The following STAT4 variants were observed in gnomAD, a reference collection of about 807,000 sequenced individuals.
STAT4 encodes signal transducer and activator of transcription 4.
STAT4 carries 42 observed loss-of-function variants against 110.5 expected under a neutral mutation model. That is an observed-to-expected ratio of 0.38 (90% CI 0.30 to 0.49). The LOEUF (loss-of-function observed/expected upper bound fraction) is 0.49, where lower values mean the gene tolerates loss of function less well. Among genes scored for constraint, STAT4 ranks in the 20% least tolerant of loss-of-function variants. The probability of loss-of-function intolerance (pLI) is 0.95; values close to 1 mark genes in which losing one functional copy is unlikely to be tolerated. For synonymous variants in STAT4, 284 were observed against 302.2 expected (o/e 0.94, Z 0.63); for missense variants, 632 against 887.9 (o/e 0.71, Z 3.66).
intron 3 of STAT4, among the ~76,000 whole-genome samples, chr2:191,087,755 C>G (rs749080046): frequency 1.1e-4 from 17 of 152,012 alleles, no homozygotes; most frequent in Non-Finnish European, 2.5e-4. Flanking sequence ...AAAAAACAAA[C>G]CCACTAAATT....
At chr2:191,124,327 T>A (rs939261084) in intron 3 of STAT4, among the ~76,000 whole-genome samples, 3 of 151,730 alleles carry the variant, frequency 2.0e-5, no homozygotes, top group African/African-American at 7.3e-5. Context: ...TGCTGGTGCA[T>A]GCCTGTAGTC....
intron 14 of STAT4, among the ~76,000 whole-genome samples, chr2:191,052,985 A>C (rs934295138): frequency 7.2e-5 from 11 of 152,170 alleles, no homozygotes; most frequent in Admixed American, 7.2e-4. Context: ...GACTGAGCTC[A>C]TCTTTGGTGA....
rs918669471 is a variant in STAT4 at position 191,061,102 on chromosome 2, C to A, written c.1034+627G>T. On this transcript the variant is annotated intron_variant, in intron 10 of 23. Coordinates refer to ENST00000392320, the MANE Select transcript of STAT4 (RefSeq NM_003151.4). This position sits in a 1 kb window ranked among gnomAD's most constrained non-coding sequence, Gnocchi z 6.2. Reference sequence around the variant, plus strand: ...CATTAGGGAAAACTGTAAGTTTTGACGCTAATGCTAATAGGATCAAATTCA... The same window carrying A: ...CATTAGGGAAAACTGTAAGTTTTGAAGCTAATGCTAATAGGATCAAATTCA... Among the ~76,000 whole-genome samples, 2 of 152,140 alleles carry A rather than the reference C, an allele frequency of 1.3e-5. No individual in the cohort carries two copies. The highest frequency in any genetic ancestry group is 1.3e-4 in the Admixed American group (2 of 15,270).
intron 3 of STAT4, among the ~76,000 whole-genome samples, chr2:191,125,583 G>A (rs575673177): frequency 6.6e-6 from 1 of 151,672 alleles, no homozygotes; most frequent in African/African-American, 2.4e-5. Flanking sequence ...AAACTCCAGG[G>A]CTTAAGTTAT....
chr2:191,088,489 T>G (rs917345215), intron 3 of STAT4, among the ~76,000 whole-genome samples: 1 of 152,204 alleles, frequency 6.6e-6, no homozygotes, highest in East Asian at 1.9e-4. Flanking sequence ...ATTGTCAAGA[T>G]GTCAGTTATT....
rs557738910 is a variant in STAT4 at position 191,132,815 on chromosome 2, C to T, written c.273+13798G>A. On this transcript the variant is annotated intron_variant, in intron 3 of 23. Transcript: ENST00000392320. ...TGTCGCCCAGGCTGGAGTGCAGTGG[C>T]GTGATCTCGGCTCACTGCAAGCTCC... is the stretch of plus-strand genomic sequence containing the variant. 5.4e-5 allele frequency among the ~76,000 whole-genome samples: 8 copies of T among 146,946 alleles called. No homozygotes were observed. In the East Asian group the frequency reaches 9.9e-4, roughly 18 times the overall value.
chr2:191,057,855 C>A (rs1696749461), intron 13 of STAT4, among the ~76,000 whole-genome samples, 163 bp downstream of exon 13: 1 of 152,070 alleles, frequency 6.6e-6, no homozygotes, highest in Admixed American at 6.6e-5. Context: ...ACCTTGGCCT[C>A]CCAAAATGCT....
intron 1 of STAT4, among the ~76,000 whole-genome samples, chr2:191,149,183 T>C (rs1699530754): frequency 6.6e-6 from 1 of 152,196 alleles, no homozygotes; most frequent in African/African-American, 2.4e-5. Flanking sequence ...CCCTTTTACA[T>C]GATTAATCAC....
In STAT4 at chr2:191,053,429, C is replaced by T. The variant is rs1696588988; in HGVS notation, c.1251+1061G>A. Among the ~76,000 whole-genome samples the T allele has an allele frequency of 6.6e-6, 1 of 152,186 alleles. No individual in the cohort carries two copies. Among genetic ancestry groups the T allele is most frequent in the Non-Finnish European group, 1.5e-5 (1 of 68,036 alleles). Reference sequence around the variant, plus strand: ...GAGCATGTACTCAAACCCAGGTTTTCTAGTTCCAAATATATAGGTCATTGA... The same window carrying T: ...GAGCATGTACTCAAACCCAGGTTTTTTAGTTCCAAATATATAGGTCATTGA... On this transcript the variant is annotated intron_variant, in intron 14 of 23. Coordinates refer to ENST00000392320, the MANE Select transcript of STAT4 (RefSeq NM_003151.4). This position sits in a 1 kb window ranked among gnomAD's most constrained non-coding sequence, Gnocchi z 4.5.
Position 191,090,622 on chromosome 2 carries a change from G to A in STAT4, c.274-14297C>T, listed in dbSNP as rs914844827. 2.0e-5 allele frequency among the ~76,000 whole-genome samples: 3 copies of A among 151,972 alleles called. No homozygotes were observed. Among genetic ancestry groups the A allele is most frequent in the African/African-American group, 4.8e-5 (2 of 41,378 alleles). ...GTTGCCCAGACTGGAGTGCAGTGGC[G>A]CGATCTCCGCCCACTGCAACCTCTG... On this transcript the variant is annotated intron_variant, in intron 3 of 23. Transcript: ENST00000392320. The surrounding 1 kb of genome is among the most constrained non-coding windows in gnomAD (Gnocchi z 4.2).
chr2:191,074,847 A>G (rs143008320), intron 4 of STAT4, among the ~76,000 whole-genome samples: 1 of 152,142 alleles, frequency 6.6e-6, no homozygotes, highest in Non-Finnish European at 1.5e-5. Context: ...TAAACATGAG[A>G]ATTTTTTAAG....
At chr2:191,087,971 C>T (rs1431070917) in intron 3 of STAT4, among the ~76,000 whole-genome samples, 1 of 151,900 alleles carries the variant, frequency 6.6e-6, no homozygotes, top group Non-Finnish European at 1.5e-5. Flanking sequence ...TCTGCTAAGA[C>T]AAAGAACAAG....
chr2:191,029,907 GT>G lies in STAT4; in HGVS notation c.2221-42del. ...AAAATAATCTTTGAGGAAACTACTG[GT>G]TTTCAAATCAATCACTATTTCTTGG... On this transcript the variant is annotated intron_variant, in intron 23 of 23. Transcript: ENST00000392320. The surrounding 1 kb of genome is among the most constrained non-coding windows in gnomAD (Gnocchi z 4.5). The G allele has an allele frequency of 6.8e-7, 1 of 1,477,778 alleles. No individual in the cohort carries two copies. The highest frequency in any genetic ancestry group is 9.3e-7 in the Non-Finnish European group (1 of 1,077,226). The allele number at this position is 1,477,778 out of a possible 1,614,324, so 91.5% of individuals were successfully genotyped here.
intron 3 of STAT4, among the ~76,000 whole-genome samples, chr2:191,134,516 A>T (rs1021793629): frequency 6.6e-6 from 1 of 152,200 alleles, no homozygotes; most frequent in African/African-American, 2.4e-5. Context: ...TAGTCCCCAG[A>T]AAAACTTCAA....
chr2:191,061,616 A>G lies in STAT4; in HGVS notation c.1034+113T>C. On this transcript the variant is annotated intron_variant, in intron 10 of 23. Coordinates refer to ENST00000392320, the MANE Select transcript of STAT4 (RefSeq NM_003151.4). This position sits in a 1 kb window ranked among gnomAD's most constrained non-coding sequence, Gnocchi z 6.2. ...AAGCTCAGAGCTGGGCACACAGCAG[A>G]TGGTTCAATAAAGAACAGCTGAATG... The G allele has an allele frequency of 2.1e-6, 2 of 974,254 alleles. No individual in the cohort carries two copies. Among genetic ancestry groups the G allele is most frequent in the East Asian group, 2.4e-5 (1 of 42,024 alleles). The allele number at this position is 974,254 out of a possible 1,614,324, so 60.4% of individuals were successfully genotyped here.
rs888070618 is a variant in STAT4 at position 191,135,913 on chromosome 2, A to C, written c.273+10700T>G. ...TACCAAAACCAGACAAGGACACAAC[A>C]CAAAGAGACAACTACAGGCCAATAT... is the stretch of plus-strand genomic sequence containing the variant. On this transcript the variant is annotated intron_variant, in intron 3 of 23. Transcript: ENST00000392320. This position sits in a 1 kb window ranked among gnomAD's most constrained non-coding sequence, Gnocchi z 4.8. Among the ~76,000 whole-genome samples the C allele has an allele frequency of 8.6e-5, 13 of 152,022 alleles. No homozygotes were observed. Among genetic ancestry groups the C allele is most frequent in the African/African-American group, 2.9e-4 (12 of 41,394 alleles).
intron 3 of STAT4, among the ~76,000 whole-genome samples, chr2:191,098,034 A>G (rs562412381): frequency 6.6e-6 from 1 of 152,370 alleles, no homozygotes; most frequent in South Asian, 2.1e-4. Flanking sequence ...ACTAGTTGTC[A>G]GAGAAATCCA....
intron 3 of STAT4, among the ~76,000 whole-genome samples, chr2:191,126,193 C>G (rs904576648): frequency 7.9e-5 from 12 of 152,130 alleles, no homozygotes; most frequent in Admixed American, 5.9e-4. Flanking sequence ...CTTATTAAAC[C>G]TACTTTAACA....
In STAT4 at chr2:191,058,831, T is replaced by G. The variant is rs1020014773; in HGVS notation, c.1035-62A>C. 7 of 965,556 alleles carry G rather than the reference T, an allele frequency of 7.2e-6. No homozygotes were observed. In the African/African-American group the frequency reaches 1.2e-4, roughly 16 times the overall value. 59.8% of individuals were successfully genotyped at this position (965,556 alleles called of 1,614,324 possible). A position where few individuals can be genotyped will look rare whatever the true frequency, so the allele number is the denominator to read the frequency against. The stretch of plus-strand genomic sequence containing the variant: ...AAATTAAAAGTGTTTAAAAACCCTT[T>G]TTTATATTTAAACATTTAAATATAC... On this transcript the variant is annotated intron_variant, in intron 10 of 23. Transcript: ENST00000392320. The surrounding 1 kb of genome is among the most constrained non-coding windows in gnomAD (Gnocchi z 4.3).
Sources: gnomAD v4.1 joint callset for allele counts (sites outside exome capture counted in the v4.1 genomes callset) on GRCh38, gnomAD v4.1.1 for gene constraint, Gnocchi (gnomAD v3.1) non-coding constraint, MANE v1.5 for transcripts, NCBI Gene and HGNC (gene_info 2026-07-23, HGNC 2026-07-21) for gene names.